E2F8: variants seen among roughly 807,000 people sequenced by gnomAD.
E2F8 encodes the protein transcription factor E2F8.
E2F8 carries 35 observed loss-of-function variants against 80.8 expected under a neutral mutation model. The observed-to-expected ratio is 0.43, with a 90% CI of 0.33 to 0.57. E2F8 has a LOEUF of 0.57. E2F8 is among the 20% of genes least tolerant of loss of function. The probability of loss-of-function intolerance (pLI) is 0.04; values close to 1 mark genes in which losing one functional copy is unlikely to be tolerated. For synonymous variants in E2F8, 386 were observed against 395.0 expected, an observed-to-expected ratio of 0.98 and a Z score of 0.27; for missense variants, 975 against 1,056.2, an observed-to-expected ratio of 0.92 and a Z score of 1.07.
At chr11:19,241,170 G>A (rs1002467548), upstream of E2F8, among the ~76,000 whole-genome samples, 5 of 152,196 alleles carry the variant, frequency 3.3e-5, no homozygotes, top group African/African-American at 1.2e-4. This position sits in a 1 kb window ranked among gnomAD's most constrained non-coding sequence, Gnocchi z 4.5. Flanking sequence ...CGTGGCCGGC[G>A]CCTCCCCTTA....
rs564158223 is a variant in E2F8, at chr11:19,226,532, A to G, written c.1894-668T>C. 2.6e-5 allele frequency among the ~76,000 whole-genome samples: 4 copies of G among 152,350 alleles called. No homozygotes were observed. The East Asian group carries it at 7.7e-4, about 29-fold the overall frequency. On this transcript the variant is annotated intron_variant, in intron 10 of 12. Transcript: ENST00000250024. ...ACTTTAAATGACATTGATTTAGAGA[A>G]AGGGGGCTAAACTATTGGCCATGTG... is the stretch of plus-strand genomic sequence containing the variant.
rs760900942 is a variant in E2F8, at chr11:19,230,854, T to C, written c.1067-20A>G. 40 of 1,612,674 alleles carry C rather than the reference T, an allele frequency of 2.5e-5. No individual in the cohort carries two copies. The highest frequency in any genetic ancestry group is 3.2e-5 in the Non-Finnish European group (38 of 1,179,192). On this transcript the variant is annotated intron_variant, in intron 7 of 12. Coordinates refer to ENST00000250024, the MANE Select transcript of E2F8 (RefSeq NM_024680.4). ...TGGAGCCTGAAACAGAAAACGTCTG[T>C]GTATTAAAACCTGGATGGCTCAGTT...
Position 19,225,392 on chromosome 11 carries a change from C to A in E2F8, c.2250G>T (p.Leu750Phe). ...HLGLISPNVQLSASPGSGIVP... is the reference protein window; with the variant it reads ...HLGLISPNVQFSASPGSGIVP... ...CGATTCCAGACCCAGGGCTGGCAGA[C>A]AACTGCACATTGGGTGAGATGAGTC... Residue 750 changes from leucine to phenylalanine, a missense_variant, in exon 12 of 13, where the codon TTG (leucine) becomes TTT (phenylalanine). Leu to Phe is a conservative substitution (Grantham distance 22). Transcript: ENST00000250024. 6.2e-7 allele frequency: 1 copy of A among 1,614,134 alleles called. No homozygotes were observed. Among genetic ancestry groups the A allele is most frequent in the Non-Finnish European group, 8.5e-7 (1 of 1,180,036 alleles).
chr11:19,238,383 A>G (rs1851578596), intron 2 of E2F8, among the ~76,000 whole-genome samples: 1 of 152,362 alleles, frequency 6.6e-6, no homozygotes, highest in Non-Finnish European at 1.5e-5. Flanking sequence ...TCAACCACTG[A>G]AAAAACAACT....
chr11:19,232,500 T>A, intron 6 of E2F8, 129 bp from the exon 7 acceptor site: 1 of 694,206 alleles, frequency 1.4e-6, no homozygotes, highest in South Asian at 3.1e-5. Context: ...AACATCTGCC[T>A]CCTTTTAAGT....
intron 7 of E2F8, among the ~76,000 whole-genome samples, 174 bp from the exon 8 acceptor site, chr11:19,231,008 TGA>T (rs1851366332): frequency 6.6e-6 from 1 of 152,252 alleles, no homozygotes; most frequent in Admixed American, 6.5e-5. Context: ...AAATGGATTC[TGA>T]GACACAATAT....
rs367890879 is a variant in E2F8 at position 19,240,172 on chromosome 11, C to G, written c.-51G>C. On this transcript the variant is annotated 5_prime_UTR_variant, in exon 2 of 13. Transcript: ENST00000250024. ...GTTTAAAAATGAAAAATCTGGAGTT[C>G]CTCCCCAAATCCCGATGGTTCAAGT... is the stretch of plus-strand genomic sequence containing the variant. 5.3e-5 allele frequency: 71 copies of G among 1,346,478 alleles called. No individual in the cohort carries two copies. In the African/African-American group the frequency reaches 9.6e-4, roughly 18 times the overall value. 83.4% of individuals were successfully genotyped at this position (1,346,478 alleles called of 1,614,324 possible).
Position 19,230,619 on chromosome 11 carries a change from C to T in E2F8, c.1270+12G>A. On this transcript the variant is annotated intron_variant, in intron 8 of 12. Transcript: ENST00000250024. Reference sequence around the variant, plus strand: ...TCTTCCTAGCAGATCCCTGACATTCCTGAAAACATACCTTTGTTGGTCTTG... The same window carrying T: ...TCTTCCTAGCAGATCCCTGACATTCTTGAAAACATACCTTTGTTGGTCTTG... 1 of 1,613,044 alleles carries T rather than the reference C, an allele frequency of 6.2e-7. No individual in the cohort carries two copies. Among genetic ancestry groups the T allele is most frequent in the Non-Finnish European group, 8.5e-7 (1 of 1,179,404 alleles).
At chr11:19,241,264 T>C (rs1851658722), upstream of E2F8, 1 of 153,126 alleles carries the variant, frequency 6.5e-6, no homozygotes, top group African/African-American at 2.4e-5. This position sits in a 1 kb window ranked among gnomAD's most constrained non-coding sequence, Gnocchi z 4.5. Context: ...CCCGCCCCTC[T>C]GCGCGGGAGC....
intron 4 of E2F8, among the ~76,000 whole-genome samples, chr11:19,235,647 T>C (rs1851498143): frequency 7.6e-6 from 1 of 131,400 alleles, no homozygotes; most frequent in Admixed American, 8.1e-5. Flanking sequence ...AGACTCCGTC[T>C]CAAAAACAAA....
In E2F8 at chr11:19,232,347, A is replaced by G; in HGVS notation, c.953T>C (p.Ile318Thr). ...ATCCAGGCTACTCAGAACATTAGCT[A>G]TATCATACAACCTCCTAATTTTTGC... ...FKTKIRRLYD[I>T]ANVLSSLDLI... The change falls in exon 7 of 13, where the codon ATA becomes ACA. Residue 318 changes from isoleucine to threonine, a missense_variant. Coordinates refer to ENST00000250024, the MANE Select transcript of E2F8 (RefSeq NM_024680.4). 1 of 1,613,748 alleles carries G rather than the reference A, an allele frequency of 6.2e-7. No individual in the cohort carries two copies. The highest frequency in any genetic ancestry group is 8.5e-7 in the Non-Finnish European group (1 of 1,179,912).
Position 19,235,045 on chromosome 11 carries a change from T to C in E2F8, c.465A>G (p.Arg155=), listed in dbSNP as rs146464010. 102 of 1,605,194 alleles carry C rather than the reference T, an allele frequency of 6.4e-5. No homozygotes were observed. The African/African-American group carries it at 1.2e-3, about 19-fold the overall frequency. Reference sequence around the variant, plus strand: ...GGACGTTCACGATATCGTAAATGCGTCGACGTTCAACATCTACAAAGAATG... The same window carrying C: ...GGACGTTCACGATATCGTAAATGCGCCGACGTTCAACATCTACAAAGAATG... The part of the protein sequence containing the change: ...EVAEELNVER[R]RIYDIVNVLE... Residue 155 remains arginine (R), a synonymous_variant, in exon 5 of 13, where the codon CGA becomes CGG. Transcript: ENST00000250024.
Position 19,234,988 on chromosome 11 carries a change from G to C in E2F8, c.522C>G (p.Ala174=). The change falls in exon 5 of 13, where the codon GCC becomes GCG. Residue 174 remains alanine, a synonymous_variant. Transcript: ENST00000250024. The part of the protein sequence containing the change: ...LESLHMVSRL[A]KNRYTWHGRH... ...GCCCGTGCCAAGTGTACCTGTTTTTGGCGAGGCGGCTCACCATATGTAAAC... is the reference window on the plus strand; with the variant it reads ...GCCCGTGCCAAGTGTACCTGTTTTTCGCGAGGCGGCTCACCATATGTAAAC... The C allele has an allele frequency of 6.2e-7, 1 of 1,614,190 alleles. No individual in the cohort carries two copies. The highest frequency in any genetic ancestry group is 8.5e-7 in the Non-Finnish European group (1 of 1,180,034).
Position 19,235,070 on chromosome 11 carries a change from G to A in E2F8, c.452-12C>T, listed in dbSNP as rs1423658379. 1 of 1,582,844 alleles carries A rather than the reference G, an allele frequency of 6.3e-7. No individual in the cohort carries two copies. Among genetic ancestry groups the A allele is most frequent in the East Asian group, 2.2e-5 (1 of 44,496 alleles). On this transcript the variant is annotated splice_polypyrimidine_tract_variant and intron_variant, in intron 4 of 12. Transcript: ENST00000250024. ...TCGACGTTCAACATCTACAAAGAAT[G>A]TGCAATTGTGTGTTACAGATTTTTG...
chr11:19,227,759 T>C (rs1851273096), intron 10 of E2F8, among the ~76,000 whole-genome samples: 1 of 152,188 alleles, frequency 6.6e-6, no homozygotes, highest in African/African-American at 2.4e-5. Flanking sequence ...GACTCTCTCA[T>C]TGTCTTTGTT....
chr11:19,225,853 T>C lies in E2F8; in HGVS notation c.1905A>G (p.Pro635=), dbSNP rs1016080726. The C allele has an allele frequency of 1.7e-5, 27 of 1,613,974 alleles. No individual in the cohort carries two copies. Among genetic ancestry groups the C allele is most frequent in the Non-Finnish European group, 2.2e-5 (26 of 1,180,022 alleles). Residue 635 remains proline, a synonymous_variant, in exon 11 of 13, where the codon CCA becomes CCG. Coordinates refer to ENST00000250024, the MANE Select transcript of E2F8 (RefSeq NM_024680.4). ...GLENVSATLF[P]SGYLIPLTQC... ...GCGTGAGAGGGATTAGGTATCCTGATGGGAACAAGGTCTAGAAAACAAGGA... is the reference window on the plus strand; with the variant it reads ...GCGTGAGAGGGATTAGGTATCCTGACGGGAACAAGGTCTAGAAAACAAGGA...
At chr11:19,235,605 C>T (rs572745182) in intron 4 of E2F8, among the ~76,000 whole-genome samples, 15 of 152,052 alleles carry the variant, frequency 9.9e-5, no homozygotes, top group Admixed American at 2.0e-4. Flanking sequence ...GCCTAGATCG[C>T]GCCACAGCAC....
intron 4 of E2F8, among the ~76,000 whole-genome samples, chr11:19,235,387 A>G (rs793271): frequency 1 from 151,681 of 152,334 alleles, 75,516 homozygotes; most frequent in Non-Finnish European, 1. Flanking sequence ...GGTGGCTCAC[A>G]CCTGTAATCC....
Position 19,224,677 on chromosome 11 carries a change from G to A in E2F8, c.2585C>T (p.Ser862Leu), listed in dbSNP as rs1851180802. Residue 862 changes from serine to leucine, a missense_variant, in exon 13 of 13, where the codon TCA becomes TTA. Ser to Leu is a moderately radical substitution (Grantham distance 145, BLOSUM62 -2). Coordinates refer to ENST00000250024, the MANE Select transcript of E2F8 (RefSeq NM_024680.4). ...TGTTGATTAATGGACATCCTCTGTT[G>A]AGACTTCCAGTTTTCGCTGTGGGAC... ...LFVPQRKLEV[S>L]TEDVH The A allele has an allele frequency of 2.5e-6, 4 of 1,614,152 alleles. No individual in the cohort carries two copies. The highest frequency in any genetic ancestry group is 2.5e-6 in the Non-Finnish European group (3 of 1,180,004).
Sources: gnomAD v4.1 joint callset for allele counts (sites outside exome capture counted in the v4.1 genomes callset) on GRCh38, gnomAD v4.1.1 for gene constraint, Gnocchi (gnomAD v3.1) non-coding constraint, MANE v1.5 for transcripts, NCBI Gene and HGNC (gene_info 2026-07-23, HGNC 2026-07-21) for gene names.